Variants in TNFRSF10B observed in about 807,000 individuals in gnomAD.
The protein encoded by TNFRSF10B is TNF receptor superfamily member 10b.
A neutral mutation model predicts 41.4 loss-of-function variants in TNFRSF10B; 35 were observed. The observed-to-expected ratio is 0.85, with a 90% CI of 0.65 to 1.12. TNFRSF10B has a LOEUF of 1.12. Among genes scored for constraint, TNFRSF10B ranks in the 50% most tolerant of loss-of-function variants. The pLI, the probability that TNFRSF10B is intolerant of heterozygous loss-of-function variation, is 0.00. For synonymous variants in TNFRSF10B, 230 were observed against 215.5 expected (o/e 1.07, Z -0.59); for missense variants, 584 against 552.7 (o/e 1.06, Z -0.57).
chr8:23,027,109 C>A, intron 7 of TNFRSF10B, 24 bp downstream of exon 7: 2 of 1,613,582 alleles, frequency 1.2e-6, no homozygotes, highest in Non-Finnish European at 1.7e-6. Context: ...TGCCAGGAAA[C>A]AAAATGATCT....
At chr8:23,063,844 G>C (rs1812906398) in intron 1 of TNFRSF10B, among the ~76,000 whole-genome samples, 1 of 152,152 alleles carries the variant, frequency 6.6e-6, no homozygotes, top group Non-Finnish European at 1.5e-5. Context: ...GGTGACTCTG[G>C]ACTTGGGTGA....
At chr8:23,040,892 G>A (rs926210204) in intron 2 of TNFRSF10B, among the ~76,000 whole-genome samples, 3 of 151,996 alleles carry the variant, frequency 2.0e-5, no homozygotes, top group Admixed American at 1.3e-4. Context: ...TGATAAAAAC[G>A]TGATTATTTA....
chr8:23,028,802 G>A (rs543894177), intron 4 of TNFRSF10B, among the ~76,000 whole-genome samples, 200 bp from the exon 5 acceptor site: 66 of 152,282 alleles, frequency 4.3e-4, no homozygotes, highest in African/African-American at 1.5e-3. Flanking sequence ...TCAGCCCCTC[G>A]GCCTCCCTGC....
chr8:23,023,781 CTT>C (rs1327406936), intron 8 of TNFRSF10B, among the ~76,000 whole-genome samples: 1 of 152,082 alleles, frequency 6.6e-6, no homozygotes, highest in Non-Finnish European at 1.5e-5. Flanking sequence ...TGCATTAAGT[CTT>C]TGGCATTCGT....
chr8:23,061,543 CCTGTTTTGG>C (rs1245937783), intron 1 of TNFRSF10B, among the ~76,000 whole-genome samples: 31 of 151,942 alleles, frequency 2.0e-4, no homozygotes, highest in African/African-American at 6.5e-4. Flanking sequence ...CTTTTTCTTG[CCTGTTTTGG>C]CTAGAACTTC....
chr8:23,036,066 C>CA (rs1812022384), intron 2 of TNFRSF10B, among the ~76,000 whole-genome samples: 1 of 131,544 alleles, frequency 7.6e-6, no homozygotes, highest in African/African-American at 2.5e-5. Flanking sequence ...GGTTTTGGAG[C>CA]AAAGACTTGC....
chr8:23,030,576 G>T (rs1009381974), intron 3 of TNFRSF10B, among the ~76,000 whole-genome samples, 183 bp downstream of exon 3: 4 of 152,186 alleles, frequency 2.6e-5, no homozygotes, highest in African/African-American at 9.6e-5. Context: ...TGAGATTACA[G>T]GCATGAGCCA....
chr8:23,030,675 G>T, intron 3 of TNFRSF10B, 84 bp downstream of exon 3: 1 of 1,001,588 alleles, frequency 1.0e-6, no homozygotes, highest in Non-Finnish European at 1.5e-6. Context: ...CCAGAATCTA[G>T]GTCTCCTGAT....
In TNFRSF10B at chr8:23,020,278, C is replaced by T. The variant is rs778685665; in HGVS notation, c.*2393G>A. On this transcript the variant is annotated 3_prime_UTR_variant, in exon 9 of 9. Transcript: ENST00000276431. ...CAGAAGCATGAAAGGACACCAACCA[C>T]GAGTGACACACTATACTATGGCTGT... The T allele has an allele frequency of 8.8e-6, 4 of 454,002 alleles. No individual in the cohort carries two copies. Among genetic ancestry groups the T allele is most frequent in the African/African-American group, 8.0e-5 (4 of 50,002 alleles). 28.1% of individuals were successfully genotyped at this position (454,002 alleles called of 1,614,324 possible).
At chr8:23,055,521 T>TTTAAAAAAAAAAA (rs1554510887) in intron 1 of TNFRSF10B, among the ~76,000 whole-genome samples, 1 of 120,536 alleles carries the variant, frequency 8.3e-6, no homozygotes, top group African/African-American at 3.1e-5. Flanking sequence ...ATTAAATGCT[T>TTTAAAAAAAAAAA]AAAAAAAAAA....
intron 1 of TNFRSF10B, among the ~76,000 whole-genome samples, chr8:23,061,696 G>A (rs1157469259): frequency 6.6e-6 from 1 of 152,154 alleles, no homozygotes; most frequent in South Asian, 2.1e-4. Context: ...TTATGATGTT[G>A]TGGAAGTTTT....
At position 23,064,512 on chromosome 8, in the gene TNFRSF10B, C is replaced by A. The variant is rs1451796566; in HGVS notation, c.144+4239G>T. 5.3e-5 allele frequency among the ~76,000 whole-genome samples: 8 copies of A among 152,086 alleles called. No homozygotes were observed. The East Asian group carries it at 1.5e-3, about 29-fold the overall frequency. On this transcript the variant is annotated intron_variant, in intron 1 of 8. Transcript: ENST00000276431. Reference sequence around the variant, plus strand: ...ATGGGCTCATGGGGGTGTCCATGGGCATGGTTAAGAGAGAGAAGGAAAACA... The same window carrying A: ...ATGGGCTCATGGGGGTGTCCATGGGAATGGTTAAGAGAGAGAAGGAAAACA...
At chr8:23,045,276 G>A (rs550037027) in intron 1 of TNFRSF10B, among the ~76,000 whole-genome samples, 102 of 151,920 alleles carry the variant, frequency 6.7e-4, no homozygotes, top group Non-Finnish European at 1.1e-3. Context: ...CCACAGAAAT[G>A]CAAAGGATCA....
chr8:23,061,377 CA>C (rs1211262927), intron 1 of TNFRSF10B, among the ~76,000 whole-genome samples: 1 of 152,242 alleles, frequency 6.6e-6, no homozygotes, highest in Admixed American at 6.5e-5. Flanking sequence ...TTTTACTGAA[CA>C]ACAATAAATT....
chr8:23,062,204 T>C (rs774863888), intron 1 of TNFRSF10B, among the ~76,000 whole-genome samples: 11 of 152,120 alleles, frequency 7.2e-5, no homozygotes, highest in Non-Finnish European at 5.9e-5. Flanking sequence ...GGATTTTCTC[T>C]ATGGTTTTTC....
chr8:23,037,461 A>C (rs1812059459), intron 2 of TNFRSF10B, among the ~76,000 whole-genome samples: 1 of 152,220 alleles, frequency 6.6e-6, no homozygotes, highest in East Asian at 1.9e-4. Flanking sequence ...ACTGGAAGAG[A>C]AGCTTATTTT....
chr8:23,030,427 C>T (rs892581805), intron 3 of TNFRSF10B, among the ~76,000 whole-genome samples: 10 of 152,088 alleles, frequency 6.6e-5, no homozygotes, highest in Admixed American at 5.9e-4. Context: ...ATCCTTCTGC[C>T]TCAGCTTCCT....
intron 7 of TNFRSF10B, among the ~76,000 whole-genome samples, chr8:23,024,675 A>G (rs1811647903): frequency 1.3e-5 from 2 of 152,116 alleles, no homozygotes; most frequent in South Asian, 4.2e-4. Context: ...GTGCACCACC[A>G]TGCCCAGCTA....
chr8:23,041,432 C>T (rs1405852370), intron 2 of TNFRSF10B, among the ~76,000 whole-genome samples: 5 of 151,906 alleles, frequency 3.3e-5, no homozygotes, highest in Non-Finnish European at 5.9e-5. Context: ...TTTGGAAGGC[C>T]GAGGTGAGAG....
Sources: gnomAD v4.1 joint callset for allele counts (sites outside exome capture counted in the v4.1 genomes callset) on GRCh38, gnomAD v4.1.1 for gene constraint, MANE v1.5 for transcripts, NCBI Gene and HGNC (gene_info 2026-07-23, HGNC 2026-07-21) for gene names.